KCNK10: variants seen among roughly 807,000 people sequenced by gnomAD.
KCNK10 encodes the protein potassium two pore domain channel subfamily K member 10.
Under a neutral mutation model 47.7 loss-of-function variants are expected in KCNK10, and 25 were observed. The ratio of observed to expected loss-of-function variants is 0.52; its 90% CI spans 0.38 to 0.73. The LOEUF is 0.73. Among genes scored for constraint, KCNK10 ranks in the 30% least tolerant of loss-of-function variants. The pLI is 0.00. For missense variants in KCNK10, 563 were observed against 714.5 expected, an observed-to-expected ratio of 0.79 and a Z score of 2.42; for synonymous variants, 303 against 285.6, an observed-to-expected ratio of 1.06 and a Z score of -0.61.
intron 3 of KCNK10, among the ~76,000 whole-genome samples, chr14:88,231,412 ACCTGGT>A (rs1304747280): frequency 1.3e-5 from 2 of 152,188 alleles, no homozygotes; most frequent in Non-Finnish European, 2.9e-5. Flanking sequence ...ACTGGCTACC[ACCTGGT>A]CCTGACCAGA....
chr14:88,248,018 T>C (rs1288938777), intron 2 of KCNK10, among the ~76,000 whole-genome samples: 2 of 152,204 alleles, frequency 1.3e-5, no homozygotes, highest in African/African-American at 4.8e-5. Context: ...ACTTTCAGAC[T>C]AACAAGCTGT....
chr14:88,262,060 G>GA (rs1308093574), intron 2 of KCNK10, among the ~76,000 whole-genome samples: 6 of 152,140 alleles, frequency 3.9e-5, no homozygotes, highest in Non-Finnish European at 8.8e-5. Context: ...AAATAAATAA[G>GA]AAAACAGCGC....
chr14:88,294,632 G>A (rs1887949251), intron 1 of KCNK10, among the ~76,000 whole-genome samples: 3 of 152,150 alleles, frequency 2.0e-5, no homozygotes, highest in Non-Finnish European at 4.4e-5. Flanking sequence ...CAGGCCTCAA[G>A]CAATCCAAAT....
At chr14:88,192,028 T>C (rs1173564928) in intron 5 of KCNK10, among the ~76,000 whole-genome samples, 196 bp downstream of exon 5, 1 of 152,198 alleles carries the variant, frequency 6.6e-6, no homozygotes, top group Admixed American at 6.5e-5. Context: ...GGCTTTCTTT[T>C]CATAGCAGAA....
At chr14:88,293,368 G>T (rs541690495) in intron 1 of KCNK10, among the ~76,000 whole-genome samples, 1 of 152,228 alleles carries the variant, frequency 6.6e-6, no homozygotes, top group African/African-American at 2.4e-5. Context: ...AGCTAGAATA[G>T]CATAGTTGAT....
chr14:88,230,468 A>T (rs948977602), intron 3 of KCNK10, among the ~76,000 whole-genome samples: 9 of 152,244 alleles, frequency 5.9e-5, no homozygotes, highest in Admixed American at 5.2e-4. Flanking sequence ...GCATTTAAAG[A>T]GGACTTGTGC....
chr14:88,305,746 A>G (rs1888191072), intron 1 of KCNK10, among the ~76,000 whole-genome samples: 1 of 152,322 alleles, frequency 6.6e-6, no homozygotes, highest in Admixed American at 6.5e-5. Context: ...AATCGCCAGT[A>G]GGGAATTAGA....
chr14:88,249,057 C>T (rs1181813815), intron 2 of KCNK10, among the ~76,000 whole-genome samples: 1 of 152,092 alleles, frequency 6.6e-6, no homozygotes, highest in African/African-American at 2.4e-5. Flanking sequence ...TCTCTGTTCA[C>T]CTTCTAAACA....
chr14:88,225,126 T>C (rs140715319), intron 4 of KCNK10, among the ~76,000 whole-genome samples: 139 of 152,344 alleles, frequency 9.1e-4, no homozygotes, highest in African/African-American at 3.2e-3. Flanking sequence ...AATTGGACTT[T>C]TAAATGTAGT....
intron 3 of KCNK10, among the ~76,000 whole-genome samples, chr14:88,228,111 C>G (rs922907718): frequency 2.0e-5 from 3 of 151,210 alleles, no homozygotes; most frequent in African/African-American, 7.3e-5. Flanking sequence ...CTGTCTCTCC[C>G]CACCGCCAGT....
In KCNK10 at chr14:88,185,946, G is replaced by A; in HGVS notation, c.1221C>T (p.Ala407=). The A allele has an allele frequency of 6.2e-7, 1 of 1,613,902 alleles. No individual in the cohort carries two copies. The highest frequency in any genetic ancestry group is 1.1e-5 in the South Asian group (1 of 91,062). ...AGGCCTTGAAGCGGCCGGTGTCCAGGGCAGCAAAGACAGAGCGCTTCTCGG... is the reference window on the plus strand; with the variant it reads ...AGGCCTTGAAGCGGCCGGTGTCCAGAGCAGCAAAGACAGAGCGCTTCTCGG... ...LSPEKRSVFA[A]LDTGRFKASS... Residue 407 remains alanine, a synonymous_variant, in exon 7 of 7, where the codon GCC becomes GCT. Transcript: ENST00000319231. The surrounding 1 kb of genome is among the most constrained non-coding windows in gnomAD (Gnocchi z 4.3).
rs55899872 is a variant in KCNK10 at position 88,274,566 on chromosome 14, A to AAAAAAAAAAAAAAAAAAAT, written c.53-11016_53-11015insATTTTTTTTTTTTTTTTTT. On this transcript the variant is annotated intron_variant, in intron 1 of 6. Transcript: ENST00000319231. ...ACTCTATCTAAAAAAAAAAAAAAAAAGATCTTATGGCTTAAGTCCGTAACA... is the reference window on the plus strand; with the variant it reads ...ACTCTATCTAAAAAAAAAAAAAAAAAAAAAAAAAAAAAAAAAAATGATCTTATGGCTTAAGTCCGTAACA... Among the ~76,000 whole-genome samples the AAAAAAAAAAAAAAAAAAAT allele has an allele frequency of 3.4e-3, 472 of 139,610 alleles. 60 individuals are homozygous for AAAAAAAAAAAAAAAAAAAT. Among genetic ancestry groups the AAAAAAAAAAAAAAAAAAAT allele is most frequent in the African/African-American group, 0.014 (435 of 32,134 alleles). 91.6% of individuals were successfully genotyped at this position (139,610 alleles called of 152,430 possible). A position where few individuals can be genotyped will look rare whatever the true frequency, so the allele number is the denominator to read the frequency against.
chr14:88,187,630 C>G (rs879733993), intron 6 of KCNK10, among the ~76,000 whole-genome samples: 3 of 142,964 alleles, frequency 2.1e-5, no homozygotes, highest in Admixed American at 7.1e-5. Flanking sequence ...GCTGCACCCC[C>G]CCACACACAC....
chr14:88,320,389 A>G (rs1474366087), intron 1 of KCNK10, among the ~76,000 whole-genome samples: 1 of 152,176 alleles, frequency 6.6e-6, no homozygotes, highest in Non-Finnish European at 1.5e-5. Flanking sequence ...ACATGAATAT[A>G]TAGAATGATG....
chr14:88,263,411 G>A lies in KCNK10; in HGVS notation c.193C>T (p.Gln65Ter), dbSNP rs776852846. 3 of 1,614,144 alleles carry A rather than the reference G, an allele frequency of 1.9e-6. No homozygotes were observed. In the Admixed American group the frequency reaches 5.0e-5, roughly 27 times the overall value. ...TTCATGACGGTCTGCAAGCCCCCTT[G>A]GGAGGTGCCTTCCATCCTGGCTACC... The part of the protein sequence containing the change: ...TVVARMEGTS[Q>*]GGLQTVMKWK... Residue 65 changes from glutamine (Q) to a stop codon, truncating the protein, a stop_gained, in exon 2 of 7, where the codon CAA (glutamine) becomes TAA (stop). Transcript: ENST00000319231. LOFTEE classifies it high-confidence loss of function.
chr14:88,191,389 G>A (rs146876406), intron 5 of KCNK10, among the ~76,000 whole-genome samples: 1 of 148,728 alleles, frequency 6.7e-6, no homozygotes, highest in African/African-American at 2.5e-5. Context: ...TCAAACTTGT[G>A]ACAGATGATA....
In KCNK10 at chr14:88,186,033, G is replaced by A. The variant is rs1884546989; in HGVS notation, c.1134C>T (p.Arg378=). 5 of 1,613,540 alleles carry A rather than the reference G, an allele frequency of 3.1e-6. No individual in the cohort carries two copies. The highest frequency in any genetic ancestry group is 4.2e-6 in the Non-Finnish European group (5 of 1,179,970). ...GGCCCAGCCGCCGGCGCTCCATGCT[G>A]CGGATGGTGGCCGCCCGCTGCAGCT... ...HDKLQRAATI[R]SMERRRLGLD... Residue 378 remains arginine, a synonymous_variant, in exon 7 of 7, where the codon CGC becomes CGT. Coordinates refer to ENST00000319231, the MANE Select transcript of KCNK10 (RefSeq NM_138317.3). This position sits in a 1 kb window ranked among gnomAD's most constrained non-coding sequence, Gnocchi z 5.5.
In KCNK10 at chr14:88,192,311, T is replaced by C; in HGVS notation, c.781A>G (p.Lys261Glu). The change falls in exon 5 of 7, where the codon AAG becomes GAG. Residue 261 changes from lysine (K) to glutamate (E), a missense_variant. Coordinates refer to ENST00000319231, the MANE Select transcript of KCNK10 (RefSeq NM_138317.3). ...VFVTIPAVIF[K>E]YIEGWTALES... Reference sequence around the variant, plus strand: ...AAGGCCGTCCAGCCCTCGATGTACTTAAAGATGACAGCAGGGATCGTCACA... The same window carrying C: ...AAGGCCGTCCAGCCCTCGATGTACTCAAAGATGACAGCAGGGATCGTCACA... 1 of 1,614,102 alleles carries C rather than the reference T, an allele frequency of 6.2e-7. No homozygotes were observed.
intron 1 of KCNK10, among the ~76,000 whole-genome samples, chr14:88,283,521 A>G (rs1420708662): frequency 6.6e-6 from 1 of 152,252 alleles, no homozygotes; most frequent in East Asian, 1.9e-4. Context: ...GCAATGTGGA[A>G]TATGTCAGAG....
Sources: allele counts gnomAD v4.1 joint callset (sites outside exome capture counted in the v4.1 genomes callset), GRCh38; gene constraint gnomAD v4.1.1; non-coding constraint Gnocchi (gnomAD v3.1); transcripts MANE v1.5; gene names NCBI Gene and HGNC (gene_info 2026-07-23, HGNC 2026-07-21).